Variants in DPF1 observed in about 807,000 individuals in gnomAD.
The protein encoded by DPF1 is zinc finger protein neuro-d4.
A neutral mutation model predicts 58.7 loss-of-function variants in DPF1; 14 were observed. That is an observed-to-expected ratio of 0.24 (90% CI 0.16 to 0.37). The LOEUF is 0.37. Among genes scored for constraint, DPF1 ranks in the 10% least tolerant of loss-of-function variants. DPF1 has a pLI of 1.00. For synonymous variants in DPF1, 216 were observed against 216.0 expected (o/e 1.00, Z 0.00); for missense variants, 345 against 529.9 (o/e 0.65, Z 3.43).
rs1967612691 is a variant in DPF1, at chr19:38,222,892, C to A, written c.30-184G>T. 1.2e-6 allele frequency: 1 copy of A among 838,952 alleles called. No individual in the cohort carries two copies. Among genetic ancestry groups the A allele is most frequent in the Non-Finnish European group, 1.7e-6 (1 of 583,210 alleles). 52.0% of individuals were successfully genotyped at this position (838,952 alleles called of 1,614,324 possible). On this transcript the variant is annotated intron_variant, in intron 1 of 11. Transcript: ENST00000355526. This position sits in a 1 kb window ranked among gnomAD's most constrained non-coding sequence, Gnocchi z 4.9. ...GGGGGAAGGGGACAGGGCCCAGGGG[C>A]CCCCAAACTGGGACTCAAACAGGCC...
rs748275051 is a variant in DPF1, at chr19:38,212,383, G to A, written c.1012-22C>T. ...GGTCCTGGGGGGTGAGACCCGCCCA[G>A]CTGGCACCCTGGGGGCACGGGCACC... On this transcript the variant is annotated intron_variant, in intron 10 of 11. Coordinates refer to ENST00000355526, the MANE Select transcript of DPF1 (RefSeq NM_001135155.3). The A allele has an allele frequency of 7.1e-6, 10 of 1,415,170 alleles. No homozygotes were observed. In the South Asian group the frequency reaches 1.0e-4, roughly 14 times the overall value. 87.7% of individuals were successfully genotyped at this position (1,415,170 alleles called of 1,614,324 possible). A position where few individuals can be genotyped will look rare whatever the true frequency, so the allele number is the denominator to read the frequency against.
upstream of DPF1, among the ~76,000 whole-genome samples, chr19:38,228,321 G>C (rs2891599): frequency 6.6e-6 from 1 of 151,348 alleles, no homozygotes; most frequent in African/African-American, 2.4e-5. Context: ...AGCAACTGGC[G>C]GCCTCTGGTC....
chr19:38,227,759 C>T (rs958967154), upstream of DPF1, among the ~76,000 whole-genome samples: 93 of 152,296 alleles, frequency 6.1e-4, no homozygotes, highest in African/African-American at 2.2e-3. Context: ...AGGGAACATT[C>T]GTGGCTCAAG....
At chr19:38,213,868 G>A (rs1973651606) in intron 9 of DPF1, 112 bp from the exon 10 acceptor site, 4 of 849,134 alleles carry the variant, frequency 4.7e-6, no homozygotes, top group Non-Finnish European at 5.5e-6. Flanking sequence ...ACGCCAGGAT[G>A]AGCTGCCGGG....
In DPF1 at chr19:38,211,795, AG is replaced by A; in HGVS notation, c.*267del. On this transcript the variant is annotated 3_prime_UTR_variant, in exon 12 of 12. Coordinates refer to ENST00000355526, the MANE Select transcript of DPF1 (RefSeq NM_001135155.3). The surrounding 1 kb of genome is among the most constrained non-coding windows in gnomAD (Gnocchi z 4.0). ...CCCACCACCCCCCATGCCCGCCCAG[AG>A]GCGGGGTATGGCTTTGAGGGGAGAA... is the stretch of plus-strand genomic sequence containing the variant. 1 of 480,258 alleles carries A rather than the reference AG, an allele frequency of 2.1e-6. No homozygotes were observed. The highest frequency in any genetic ancestry group is 2.2e-5 in the African/African-American group (1 of 44,670). 29.7% of individuals were successfully genotyped at this position (480,258 alleles called of 1,614,324 possible). A position where few individuals can be genotyped will look rare whatever the true frequency, so the allele number is the denominator to read the frequency against.
intron 10 of DPF1, among the ~76,000 whole-genome samples, chr19:38,213,161 G>A (rs1306317527): frequency 6.6e-6 from 1 of 151,974 alleles, no homozygotes; most frequent in Non-Finnish European, 1.5e-5. Context: ...TTTTTGTAGA[G>A]ATGGGGTTTC....
In DPF1 at chr19:38,217,811, C is replaced by A; in HGVS notation, c.582G>T (p.Pro194=). The change falls in exon 6 of 12, where the codon CCG becomes CCT. Residue 194 remains proline, a synonymous_variant. Coordinates refer to ENST00000355526, the MANE Select transcript of DPF1 (RefSeq NM_001135155.3). ...AGAAGGACTCACTATCACAGACATA[C>A]GGCTTGTCTCGGTCCTCCAGGGAAG... is the stretch of plus-strand genomic sequence containing the variant. ...DTASLEDRDK[P]YVCDICGKRY... is the part of the protein sequence containing the mutation. The A allele has an allele frequency of 6.2e-7, 1 of 1,614,090 alleles. No homozygotes were observed. The highest frequency in any genetic ancestry group is 8.5e-7 in the Non-Finnish European group (1 of 1,180,016).
At chr19:38,217,262 C>T in intron 7 of DPF1, 198 bp downstream of exon 7, 2 of 682,136 alleles carry the variant, frequency 2.9e-6, no homozygotes, top group African/African-American at 3.6e-5. Flanking sequence ...AATATTACGC[C>T]CGGCCAGGAG....
At chr19:38,227,457 T>A (rs1272587563), upstream of DPF1, among the ~76,000 whole-genome samples, 1 of 151,932 alleles carries the variant, frequency 6.6e-6, no homozygotes, top group Non-Finnish European at 1.5e-5. Flanking sequence ...CCTAACCACC[T>A]GCACACACCA....
At chr19:38,217,741 G>T (rs1226277165) in intron 6 of DPF1, 57 bp downstream of exon 6, 1 of 1,609,476 alleles carries the variant, frequency 6.2e-7, no homozygotes, top group Non-Finnish European at 8.5e-7. Flanking sequence ...GGGCCACGAG[G>T]TGGGGAGTCT....
intron 6 of DPF1, 64 bp from the exon 7 acceptor site, chr19:38,217,655 G>A: frequency 6.5e-7 from 1 of 1,530,442 alleles, no homozygotes; most frequent in African/African-American, 1.4e-5. Flanking sequence ...CTCCACCCTG[G>A]CCTCCAGGAT....
rs1457242155 is a variant in DPF1, at chr19:38,229,508, G to T, written c.-132+51C>A. 5.3e-6 allele frequency: 5 copies of T among 945,894 alleles called. No individual in the cohort carries two copies. Among genetic ancestry groups the T allele is most frequent in the Non-Finnish European group, 5.1e-6 (4 of 777,118 alleles). The allele number at this position is 945,894 out of a possible 1,614,324, so 58.6% of individuals were successfully genotyped here. The stretch of plus-strand genomic sequence containing the variant: ...CAGCCCCAGGGCGGGCGGGGGAAGG[G>T]CTCCTGGTGGGGGGGTCTGGACAGG... On this transcript the variant is annotated intron_variant, in intron 1 of 11. Coordinates refer to the DPF1 transcript ENST00000412732. This position sits in a 1 kb window ranked among gnomAD's most constrained non-coding sequence, Gnocchi z 5.3.
chr19:38,221,016 A>T (rs1600271632), intron 3 of DPF1, among the ~76,000 whole-genome samples: 1 of 152,204 alleles, frequency 6.6e-6, no homozygotes, highest in African/African-American at 2.4e-5. Flanking sequence ...AGGCACCCAC[A>T]CACCCACAGA....
chr19:38,213,607 C>T (rs763765666), intron 10 of DPF1, 37 bp downstream of exon 10: 12 of 1,581,110 alleles, frequency 7.6e-6, no homozygotes, highest in South Asian at 3.4e-5. Context: ...CCAGGCGGGG[C>T]GGGCAGCAGG....
At chr19:38,216,537 G>C (rs1967034229) in intron 7 of DPF1, 134 bp from the exon 8 acceptor site, 3 of 1,051,946 alleles carry the variant, frequency 2.9e-6, no homozygotes, top group Non-Finnish European at 3.9e-6. Context: ...ACCCCAAGCT[G>C]TGGGGAGAGG....
At chr19:38,216,692 A>G (rs962409428) in intron 7 of DPF1, among the ~76,000 whole-genome samples, 9 of 152,170 alleles carry the variant, frequency 5.9e-5, no homozygotes, top group South Asian at 4.1e-4. Context: ...CCACTGCCAC[A>G]AAGTGGCGGG....
chr19:38,225,143 C>G (rs188194271), upstream of DPF1, among the ~76,000 whole-genome samples: 149 of 152,280 alleles, frequency 9.8e-4, 1 homozygote, highest in Non-Finnish European at 1.9e-3. Flanking sequence ...ACTCAGGAGG[C>G]TGAGGCAGGA....
At chr19:38,217,375 A>AT in intron 7 of DPF1, 85 bp downstream of exon 7, 1 of 1,079,508 alleles carries the variant, frequency 9.3e-7, no homozygotes, top group Non-Finnish European at 1.3e-6. Flanking sequence ...GAAATGTCTA[A>AT]TGCCCCCCCA....
rs1973460051 is a variant in DPF1, at chr19:38,211,994, G to C, written c.*69C>G. ...CCCCCTGCGGGATGTTCAGGGTGGG[G>C]GAGAATTGAGGAGCTCGGAGAGGCA... On this transcript the variant is annotated 3_prime_UTR_variant, in exon 12 of 12. Coordinates refer to ENST00000355526, the MANE Select transcript of DPF1 (RefSeq NM_001135155.3). This position sits in a 1 kb window ranked among gnomAD's most constrained non-coding sequence, Gnocchi z 4.0. 1.9e-6 allele frequency: 3 copies of C among 1,543,042 alleles called. No homozygotes were observed. Among genetic ancestry groups the C allele is most frequent in the Non-Finnish European group, 2.7e-6 (3 of 1,131,456 alleles).
Sources: gnomAD v4.1 joint callset for allele counts (sites outside exome capture counted in the v4.1 genomes callset) on GRCh38, gnomAD v4.1.1 for gene constraint, Gnocchi (gnomAD v3.1) non-coding constraint, MANE v1.5 for transcripts, NCBI Gene and HGNC (gene_info 2026-07-23, HGNC 2026-07-21) for gene names.